ZNF407: variants seen among roughly 807,000 people sequenced by gnomAD.
ZNF407 encodes zinc finger protein 407.
In ZNF407, 17 loss-of-function variants were observed where a neutral mutation model predicts 131.2. The observed-to-expected ratio is 0.13, with a 90% CI of 0.09 to 0.19. The LOEUF (loss-of-function observed/expected upper bound fraction) is 0.19. Ranked by LOEUF, ZNF407 falls within the 10% of genes least tolerant of loss-of-function variation. The pLI, the probability that ZNF407 is intolerant of heterozygous loss-of-function variation, is 1.00. For synonymous variants in ZNF407, 1,156 were observed against 1,062.0 expected, an observed-to-expected ratio of 1.09 and a Z score of -1.72; for missense variants, 2,681 against 2,830.6, an observed-to-expected ratio of 0.95 and a Z score of 1.20.
At chr18:74,904,103 T>C (rs1262038738) in intron 7 of ZNF407, among the ~76,000 whole-genome samples, 4 of 152,204 alleles carry the variant, frequency 2.6e-5, no homozygotes. Flanking sequence ...TTATTTCTAT[T>C]TCATTGAAGG....
intron 4 of ZNF407, among the ~76,000 whole-genome samples, chr18:74,821,906 A>G (rs956298725): frequency 6.6e-6 from 1 of 152,144 alleles, no homozygotes; most frequent in Non-Finnish European, 1.5e-5. Flanking sequence ...AAGCATTCCT[A>G]TTTCTTCACA....
intron 3 of ZNF407, among the ~76,000 whole-genome samples, chr18:74,741,505 T>C (rs192298075): frequency 2.9e-4 from 44 of 152,282 alleles, no homozygotes; most frequent in African/African-American, 1.0e-3. Flanking sequence ...AGAATCTAAA[T>C]GATTTATAAG....
chr18:74,975,457 A>G (rs1230269075), intron 8 of ZNF407, among the ~76,000 whole-genome samples: 1 of 152,224 alleles, frequency 6.6e-6, no homozygotes, highest in Non-Finnish European at 1.5e-5. Flanking sequence ...ATTAAAGGTC[A>G]TTCATAAAGA....
chr18:74,642,762 A>G (rs1180277932), intron 3 of ZNF407, among the ~76,000 whole-genome samples: 1 of 152,096 alleles, frequency 6.6e-6, no homozygotes, highest in African/African-American at 2.4e-5. Context: ...ATGATTATAC[A>G]TATATCGAGT....
chr18:75,024,738 C>T (rs1973151825), intron 8 of ZNF407, among the ~76,000 whole-genome samples: 1 of 152,044 alleles, frequency 6.6e-6, no homozygotes, highest in Non-Finnish European at 1.5e-5. Flanking sequence ...ATAATGTCAG[C>T]GGTAAAATTT....
intron 8 of ZNF407, among the ~76,000 whole-genome samples, chr18:74,953,970 T>G (rs1258855857): frequency 2.0e-5 from 3 of 152,354 alleles, no homozygotes; most frequent in East Asian, 3.9e-4. Flanking sequence ...AGGGATAGTG[T>G]ATGTTTTGTG....
intron 8 of ZNF407, among the ~76,000 whole-genome samples, chr18:74,953,507 C>G (rs1001881510): frequency 6.6e-6 from 1 of 152,052 alleles, no homozygotes; most frequent in Non-Finnish European, 1.5e-5. Context: ...TTTTAAACTT[C>G]CAGATTGCTA....
intron 1 of ZNF407, among the ~76,000 whole-genome samples, chr18:74,612,991 A>C (rs1025179865): frequency 3.9e-5 from 6 of 152,238 alleles, no homozygotes; most frequent in Admixed American, 3.3e-4. Flanking sequence ...AGTTTTTTTT[A>C]AACTAGCATA....
At chr18:74,860,135 G>A (rs1043148443) in intron 4 of ZNF407, among the ~76,000 whole-genome samples, 2 of 152,084 alleles carry the variant, frequency 1.3e-5, no homozygotes, top group East Asian at 1.9e-4. Flanking sequence ...ACAAGACCCT[G>A]TCTCTTTTAA....
intron 3 of ZNF407, among the ~76,000 whole-genome samples, chr18:74,763,854 C>T (rs1186218131): frequency 1.6e-4 from 24 of 150,948 alleles, no homozygotes; most frequent in African/African-American, 5.3e-4. Flanking sequence ...GGACTACAGG[C>T]GCCCGCTACC....
At chr18:75,024,058 C>T (rs1290286528) in intron 8 of ZNF407, among the ~76,000 whole-genome samples, 1 of 152,086 alleles carries the variant, frequency 6.6e-6, no homozygotes, top group Non-Finnish European at 1.5e-5. Flanking sequence ...TCAAGCTTAT[C>T]CTCAAAATGT....
intron 4 of ZNF407, among the ~76,000 whole-genome samples, chr18:74,873,641 C>A (rs1461818772): frequency 6.6e-6 from 1 of 151,958 alleles, no homozygotes; most frequent in Non-Finnish European, 1.5e-5. Context: ...CCCAGGAGGT[C>A]CTGAGGCTGC....
At chr18:74,976,662 T>G (rs1395465144) in intron 8 of ZNF407, among the ~76,000 whole-genome samples, 2 of 152,242 alleles carry the variant, frequency 1.3e-5, no homozygotes, top group African/African-American at 4.8e-5. Context: ...GAGTATGAAA[T>G]CTGACATTCT....
intron 8 of ZNF407, among the ~76,000 whole-genome samples, chr18:74,985,028 A>T (rs1260165449): frequency 6.6e-6 from 1 of 152,252 alleles, no homozygotes; most frequent in Non-Finnish European, 1.5e-5. Flanking sequence ...TACCTTTTCT[A>T]ATAATATATG....
intron 4 of ZNF407, among the ~76,000 whole-genome samples, chr18:74,785,011 A>T (rs1396062438): frequency 6.6e-6 from 1 of 152,218 alleles, no homozygotes; most frequent in East Asian, 1.9e-4. Context: ...GGTGTCAGAG[A>T]TGCTGTCAGG....
chr18:74,846,364 G>A (rs1479389464), intron 4 of ZNF407, among the ~76,000 whole-genome samples: 2 of 150,412 alleles, frequency 1.3e-5, no homozygotes, highest in African/African-American at 4.9e-5. Context: ...TTTTGGAGAC[G>A]GAATCTGCTC....
intron 3 of ZNF407, among the ~76,000 whole-genome samples, chr18:74,729,755 T>C (rs1226382472): frequency 6.6e-6 from 1 of 152,182 alleles, no homozygotes; most frequent in East Asian, 1.9e-4. Flanking sequence ...AGTATTTGCC[T>C]TTATTCAGTA....
At chr18:74,878,573 A>C (rs975708441) in intron 5 of ZNF407, among the ~76,000 whole-genome samples, 2 of 152,136 alleles carry the variant, frequency 1.3e-5, no homozygotes, top group Non-Finnish European at 2.9e-5. Flanking sequence ...GATCAATAAT[A>C]TAGATTTTTG....
At chr18:74,727,682 G>C (rs1463454) in intron 3 of ZNF407, among the ~76,000 whole-genome samples, 104,831 of 152,150 alleles carry the variant, frequency 0.69, 37,088 homozygotes, top group East Asian at 0.85. Context: ...ATATATGTTA[G>C]GAGGGAGATG....
Sources: allele counts gnomAD v4.1 joint callset (sites outside exome capture counted in the v4.1 genomes callset), GRCh38; gene constraint gnomAD v4.1.1; transcripts MANE v1.5; gene names NCBI Gene and HGNC (gene_info 2026-07-23, HGNC 2026-07-21).